C11orf65: variants seen among roughly 807,000 people sequenced by gnomAD.
C11orf65 encodes chromosome 11 open reading frame 65.
Under a neutral mutation model 35.3 loss-of-function variants are expected in C11orf65, and 38 were observed. The ratio of observed to expected loss-of-function variants is 1.08; its 90% CI spans 0.83 to 1.41. The LOEUF is 1.41. Ranked by LOEUF, C11orf65 falls within the 40% of genes most tolerant of loss-of-function variation. The pLI, the probability that C11orf65 is intolerant of heterozygous loss-of-function variation, is 0.00. For missense variants in C11orf65, 370 were observed against 367.1 expected (o/e 1.01, Z -0.06); for synonymous variants, 105 against 114.4 (o/e 0.92, Z 0.53).
chr11:108,406,917 G>A lies in C11orf65; in HGVS notation c.275C>T (p.Pro92Leu), dbSNP rs1362234722. 3 of 1,611,988 alleles carry A rather than the reference G, an allele frequency of 1.9e-6. No homozygotes were observed. The Admixed American group carries it at 5.0e-5, about 27-fold the overall frequency. ...DIYYKIFTHR[P>L]IEDLCANSPR... ...GCTGTTAGCACAGAGATCTTCAATA[G>A]GTCTGTGAGTAAAAATCTTATAGTA... The change falls in exon 5 of 9, where the codon CCT becomes CTT. Residue 92 changes from proline (P) to leucine (L), a missense_variant. Physicochemically the swap from Pro to Leu is moderately conservative, Grantham distance 98. Transcript: ENST00000393084.
intron 2 of C11orf65, among the ~76,000 whole-genome samples, chr11:108,461,137 CA>C (rs1158370970): frequency 2.6e-5 from 4 of 152,198 alleles, no homozygotes; most frequent in African/African-American, 9.6e-5. Flanking sequence ...TGCAGTGGCT[CA>C]CGCCTGTAAT....
At chr11:108,401,060 G>C (rs540771585) in intron 6 of C11orf65, among the ~76,000 whole-genome samples, 31 of 152,006 alleles carry the variant, frequency 2.0e-4, no homozygotes, top group African/African-American at 7.0e-4. Context: ...AGTGAGCCGA[G>C]ATTGCGCCAC....
chr11:108,439,435 G>A (rs1445091644), intron 2 of C11orf65, among the ~76,000 whole-genome samples: 2 of 152,156 alleles, frequency 1.3e-5, no homozygotes, highest in Non-Finnish European at 2.9e-5. Context: ...TCCTCACAAA[G>A]TCAAACATTG....
At chr11:108,349,883 T>C (rs1298934037) in intron 2 of C11orf65, among the ~76,000 whole-genome samples, 1 of 152,116 alleles carries the variant, frequency 6.6e-6, no homozygotes, top group African/African-American at 2.4e-5. Flanking sequence ...TGGCTTTAGA[T>C]TGGAGGCATG....
intron 6 of C11orf65, among the ~76,000 whole-genome samples, chr11:108,396,700 G>A (rs950281398): frequency 4.0e-5 from 6 of 151,620 alleles, no homozygotes; most frequent in African/African-American, 1.5e-4. Flanking sequence ...TGGGCGTGGT[G>A]GCAGGTGCTT....
intron 2 of C11orf65, among the ~76,000 whole-genome samples, chr11:108,359,493 A>AT (rs1381417340): frequency 4.6e-5 from 7 of 151,940 alleles, no homozygotes; most frequent in Admixed American, 1.3e-4. Context: ...CAGAATATAC[A>AT]TTTTTTTCAG....
intron 2 of C11orf65, 90 bp from the exon 3 acceptor site, chr11:108,431,928 G>A: frequency 1.5e-6 from 1 of 655,894 alleles, no homozygotes; most frequent in Non-Finnish European, 2.5e-6. Flanking sequence ...AACGAATAAA[G>A]TACCATAAAA....
Position 108,333,938 on chromosome 11 carries a change from A to T in C11orf65, c.299+1282T>A, listed in dbSNP as rs1555126247. ...CAATTACTAAACTTAAGAATTTAGA[A>T]GATGTTGTTGTCCCTACTATGGAAA... On this transcript the variant is annotated intron_variant, in intron 3 of 3. Coordinates refer to the C11orf65 transcript ENST00000524755. 6.2e-7 allele frequency: 1 copy of T among 1,611,710 alleles called. No homozygotes were observed. Among genetic ancestry groups the T allele is most frequent in the East Asian group, 2.2e-5 (1 of 44,860 alleles).
intron 2 of C11orf65, chr11:108,355,072 T>A: frequency 1.7e-6 from 1 of 583,038 alleles, no homozygotes; most frequent in South Asian, 2.1e-5. Context: ...TTCAGCCCCC[T>A]TGAGTTTCTT....
At chr11:108,432,051 G>T (rs2092997449) in intron 2 of C11orf65, among the ~76,000 whole-genome samples, 1 of 152,092 alleles carries the variant, frequency 6.6e-6, no homozygotes, top group Non-Finnish European at 1.5e-5. Flanking sequence ...TCTTAAATTT[G>T]TAATTGCATC....
At chr11:108,406,661 T>C (rs1334288225) in intron 5 of C11orf65, 102 bp downstream of exon 5, 23 of 774,168 alleles carry the variant, frequency 3.0e-5, no homozygotes, top group Non-Finnish European at 4.3e-5. Flanking sequence ...ATTAAATTAC[T>C]AGGATTTATT....
At chr11:108,373,501 G>A (rs551173978) in intron 2 of C11orf65, among the ~76,000 whole-genome samples, 2 of 152,340 alleles carry the variant, frequency 1.3e-5, no homozygotes, top group African/African-American at 4.8e-5. Context: ...TAAATAGAAA[G>A]CAATAAAAGA....
At chr11:108,330,624 CCTTTGTATTAT>C (rs1186542712), downstream of C11orf65, among the ~76,000 whole-genome samples, 2 of 152,052 alleles carry the variant, frequency 1.3e-5, no homozygotes, top group Admixed American at 6.5e-5. Context: ...TACAAAAGTT[CCTTTGTATTAT>C]ATAAGCTGAC....
At chr11:108,370,024 A>G (rs547941835) in intron 2 of C11orf65, among the ~76,000 whole-genome samples, 1 of 152,216 alleles carries the variant, frequency 6.6e-6, no homozygotes, top group East Asian at 1.9e-4. Context: ...CATTCTCTTA[A>G]TGGAGTTTTT....
In C11orf65 at chr11:108,467,155, G is replaced by A. The variant is rs527384216; in HGVS notation, c.-10+316C>T. Among the ~76,000 whole-genome samples the A allele has an allele frequency of 5.9e-5, 9 of 152,264 alleles. No homozygotes were observed. In the South Asian group the frequency reaches 1.9e-3, roughly 32 times the overall value. On this transcript the variant is annotated intron_variant, in intron 1 of 8. Coordinates refer to ENST00000393084, the MANE Select transcript of C11orf65 (RefSeq NM_152587.5). ...TGGACGGAGTAATATCTTTGCGGAG[G>A]ATTGGGGTGTGGGGATCTGTGAAGG...
chr11:108,312,213 T>C (rs1371672810), intron 6 of C11orf65, among the ~76,000 whole-genome samples: 1 of 152,238 alleles, frequency 6.6e-6, no homozygotes, highest in East Asian at 1.9e-4. Flanking sequence ...ATGTAGATTA[T>C]TCTTAAAATA....
chr11:108,308,623 C>T (rs2083876838), exon 7 of C11orf65: 1 of 207,074 alleles, frequency 4.8e-6, no homozygotes, highest in Non-Finnish European at 9.8e-6. Context: ...GTGTAGTAGG[C>T]CTATAATTTG....
At chr11:108,328,680 C>A (rs1032939128), downstream of C11orf65, among the ~76,000 whole-genome samples, 2 of 152,200 alleles carry the variant, frequency 1.3e-5, no homozygotes, top group African/African-American at 2.4e-5. Context: ...GCTGTCCAAT[C>A]TTTTGGCTTC....
chr11:108,350,042 T>C (rs1414926123), intron 2 of C11orf65, among the ~76,000 whole-genome samples: 1 of 152,164 alleles, frequency 6.6e-6, no homozygotes, highest in Non-Finnish European at 1.5e-5. Flanking sequence ...GGAGGGATGG[T>C]AACTGGCCTT....
Sources: gnomAD v4.1 joint callset for allele counts (sites outside exome capture counted in the v4.1 genomes callset) on GRCh38, gnomAD v4.1.1 for gene constraint, MANE v1.5 for transcripts, NCBI Gene and HGNC (gene_info 2026-07-23, HGNC 2026-07-21) for gene names.